Variants in ACOT11 observed in about 807,000 individuals in gnomAD.
ACOT11 encodes acyl-coenzyme A thioesterase 11.
ACOT11 carries 69 observed loss-of-function variants against 77.5 expected under a neutral mutation model. The ratio of observed to expected loss-of-function variants is 0.89; its 90% CI spans 0.73 to 1.09. The LOEUF is 1.09. Among genes scored for constraint, ACOT11 ranks in the 50% least tolerant of loss-of-function variants. ACOT11 has a pLI of 0.00. For synonymous variants in ACOT11, 279 were observed against 313.0 expected, an observed-to-expected ratio of 0.89 and a Z score of 1.15; for missense variants, 766 against 813.7, an observed-to-expected ratio of 0.94 and a Z score of 0.71.
In ACOT11 at chr1:54,597,398, G is replaced by A. The variant is rs746597931; in HGVS notation, c.747G>A (p.Val249=). ...GGQIMAWMEN[V]ATIAASRLCR... ...AGATCATGGCCTGGATGGAGAATGTGGCCACCATTGCAGCCAGGTGAGGGC... is the reference window on the plus strand; with the variant it reads ...AGATCATGGCCTGGATGGAGAATGTAGCCACCATTGCAGCCAGGTGAGGGC... Residue 249 remains valine (V), a synonymous_variant, in exon 7 of 16, where the codon GTG becomes GTA. Transcript: ENST00000343744. 1.1e-5 allele frequency: 17 copies of A among 1,612,998 alleles called. No homozygotes were observed. Among genetic ancestry groups the A allele is most frequent in the Non-Finnish European group, 1.4e-5 (16 of 1,179,612 alleles).
chr1:54,585,110 C>T (rs2100979510), intron 2 of ACOT11, among the ~76,000 whole-genome samples: 1 of 152,348 alleles, frequency 6.6e-6, no homozygotes, highest in African/African-American at 2.4e-5. Context: ...TGCCTCAACA[C>T]AGTGCAGCCT....
At chr1:54,636,191 GAC>G (rs1309924457) in exon 17 of ACOT11, 1 of 152,218 alleles carries the variant, frequency 6.6e-6, no homozygotes, top group Non-Finnish European at 1.5e-5. Context: ...TTGGAAAAGA[GAC>G]ACAGAGACAA....
At chr1:54,577,957 G>A (rs1255566931) in intron 1 of ACOT11, among the ~76,000 whole-genome samples, 2 of 152,138 alleles carry the variant, frequency 1.3e-5, no homozygotes, top group African/African-American at 4.8e-5. Context: ...CATTCTACAT[G>A]TCCTTGGTTC....
At position 54,592,593 on chromosome 1, in the gene ACOT11, A is replaced by G. The variant is rs751335616; in HGVS notation, c.359A>G (p.Asn120Ser). Residue 120 changes from asparagine (N) to serine (S), a missense_variant, in exon 4 of 16, where the codon AAC (asparagine) becomes AGC (serine). By Grantham distance (46) the Asn-to-Ser change is conservative. Transcript: ENST00000343744. ...AAGGCCAAGGTGAACCGGGCCTTCA[A>G]CTCCAGCATGGAGGTGTGTGGGGTG... The part of the protein sequence containing the change: ...NIKAKVNRAF[N>S]SSMEVGIQVA... 22 of 1,612,798 alleles carry G rather than the reference A, an allele frequency of 1.4e-5. No individual in the cohort carries two copies. Among genetic ancestry groups the G allele is most frequent in the Non-Finnish European group, 1.8e-5 (21 of 1,179,516 alleles).
chr1:54,617,585 G>T (rs528265109), intron 15 of ACOT11, among the ~76,000 whole-genome samples: 3 of 151,132 alleles, frequency 2.0e-5, no homozygotes, highest in Admixed American at 6.6e-5. Flanking sequence ...TTCATCTCAC[G>T]TTCCACTCTC....
intron 1 of ACOT11, among the ~76,000 whole-genome samples, chr1:54,550,359 ACT>A (rs1460364994): frequency 2.6e-5 from 4 of 151,780 alleles, no homozygotes; most frequent in Non-Finnish European, 5.9e-5. Flanking sequence ...AGCTAAGAAC[ACT>A]CTGGCCTTGA....
chr1:54,620,845 CAAAAAAAAAAA>C (rs767625864), intron 15 of ACOT11, among the ~76,000 whole-genome samples: 80 of 12,122 alleles, frequency 6.6e-3, no homozygotes, highest in African/African-American at 0.018. Context: ...GAGACTCTGT[CAAAAAAAAAAA>C]AAAAAAAAAA....
chr1:54,619,088 C>G (rs969558770), intron 15 of ACOT11, among the ~76,000 whole-genome samples: 2 of 152,178 alleles, frequency 1.3e-5, no homozygotes, highest in Non-Finnish European at 2.9e-5. Context: ...AAGGAGTTTG[C>G]TTGAGCAGTG....
chr1:54,551,119 G>A (rs1423244006), intron 1 of ACOT11, among the ~76,000 whole-genome samples: 5 of 127,034 alleles, frequency 3.9e-5, no homozygotes, highest in African/African-American at 1.2e-4. Flanking sequence ...CAGCCTGGGC[G>A]ACAGTGGTCT....
intron 3 of ACOT11, among the ~76,000 whole-genome samples, chr1:54,586,182 G>T (rs941593557): frequency 6.6e-6 from 1 of 152,180 alleles, no homozygotes; most frequent in Non-Finnish European, 1.5e-5. Context: ...GCGTGACTTT[G>T]GGGAAGTCAG....
chr1:54,587,452 G>A (rs1250855638), intron 3 of ACOT11, among the ~76,000 whole-genome samples: 1 of 151,336 alleles, frequency 6.6e-6, no homozygotes, highest in Non-Finnish European at 1.5e-5. Flanking sequence ...GGCAGAGGTT[G>A]TGGTGAGCTG....
At chr1:54,563,588 G>A (rs184709822) in intron 1 of ACOT11, among the ~76,000 whole-genome samples, 278 of 152,300 alleles carry the variant, frequency 1.8e-3, no homozygotes, top group Non-Finnish European at 3.2e-3. Context: ...TGTCTTCAAG[G>A]AGTTTCTTAT....
chr1:54,630,423 G>T (rs1240782425), intron 15 of ACOT11, among the ~76,000 whole-genome samples: 1 of 152,174 alleles, frequency 6.6e-6, no homozygotes, highest in East Asian at 1.9e-4. Context: ...CGGGAATGAC[G>T]GCAAGGAACA....
chr1:54,610,033 G>A lies in ACOT11; in HGVS notation c.*921G>A. On this transcript the variant is annotated 3_prime_UTR_variant, in exon 16 of 16. Transcript: ENST00000343744. ...GTTAAAGGGGCAGTGGGAGTTATGG[G>A]GTCATCAAGGACCTTGCCTCTCTGG... 1 of 1,473,318 alleles carries A rather than the reference G, an allele frequency of 6.8e-7. No individual in the cohort carries two copies. The highest frequency in any genetic ancestry group is 2.4e-5 in the East Asian group (1 of 41,928). The allele number at this position is 1,473,318 out of a possible 1,614,324, so 91.3% of individuals were successfully genotyped here. A position where few individuals can be genotyped will look rare whatever the true frequency, so the allele number is the denominator to read the frequency against.
In ACOT11 at chr1:54,605,760, A is replaced by G. The variant is rs542241359; in HGVS notation, c.1370+551A>G. On this transcript the variant is annotated intron_variant, in intron 13 of 15. Transcript: ENST00000343744. ...AGAAATATGTTATTCCTTTACATAC[A>G]TTTGTTCCTCCAAATTTATTGATTG... 7.2e-5 allele frequency among the ~76,000 whole-genome samples: 11 copies of G among 152,320 alleles called. No individual in the cohort carries two copies. The East Asian group carries it at 1.2e-3, about 16-fold the overall frequency.
At chr1:54,569,027 C>G (rs1653839473) in intron 1 of ACOT11, among the ~76,000 whole-genome samples, 1 of 151,698 alleles carries the variant, frequency 6.6e-6, no homozygotes, top group African/African-American at 2.4e-5. Context: ...GGGAGGATTA[C>G]TTGAGCCTGG....
chr1:54,619,906 G>A (rs1214230017), intron 15 of ACOT11: 1 of 1,614,154 alleles, frequency 6.2e-7, no homozygotes, highest in South Asian at 1.1e-5. Context: ...TTGGCTGCGT[G>A]GTACCAGGTG....
intron 13 of ACOT11, among the ~76,000 whole-genome samples, chr1:54,605,514 T>G (rs1204889341): frequency 6.6e-6 from 1 of 152,140 alleles, no homozygotes; most frequent in Non-Finnish European, 1.5e-5. Context: ...TTAAAATGGA[T>G]GCTTGGATGG....
intron 15 of ACOT11, chr1:54,623,535 T>A (rs1452902864): frequency 1.5e-6 from 1 of 685,240 alleles, no homozygotes; most frequent in Non-Finnish European, 2.6e-6. Flanking sequence ...TGCAGCCCTG[T>A]AATATCCCCT....
Sources: allele counts gnomAD v4.1 joint callset (sites outside exome capture counted in the v4.1 genomes callset), GRCh38; gene constraint gnomAD v4.1.1; transcripts MANE v1.5; gene names NCBI Gene and HGNC (gene_info 2026-07-23, HGNC 2026-07-21).